Variants in ODF2 observed in about 807,000 individuals in gnomAD.
ODF2 encodes outer dense fiber of sperm tails 2.
ODF2 carries 47 observed loss-of-function variants against 110.2 expected under a neutral mutation model. The ratio of observed to expected loss-of-function variants is 0.43; its 90% confidence interval spans 0.34 to 0.54. ODF2 has a LOEUF of 0.54. ODF2 is among the 20% of genes least tolerant of loss of function. ODF2 has a pLI of 0.03. For missense variants in ODF2, 812 were observed against 1,054.5 expected (o/e 0.77, Z 3.19); for synonymous variants, 352 against 397.7 (o/e 0.89, Z 1.37).
At chr9:128,489,551 C>T (rs1359355043) in intron 14 of ODF2, among the ~76,000 whole-genome samples, 1 of 152,170 alleles carries the variant, frequency 6.6e-6, no homozygotes, top group Non-Finnish European at 1.5e-5. Flanking sequence ...GTTGAGTCAG[C>T]CCCATTGTTT....
chr9:128,462,815 G>C (rs1385351275), intron 4 of ODF2, among the ~76,000 whole-genome samples: 1 of 151,684 alleles, frequency 6.6e-6, no homozygotes, highest in African/African-American at 2.4e-5. Context: ...GGATGGTCTC[G>C]ATCTCCTGAC....
At chr9:128,458,514 G>C (rs1282719197) in intron 2 of ODF2, among the ~76,000 whole-genome samples, 2 of 148,818 alleles carry the variant, frequency 1.3e-5, no homozygotes, top group South Asian at 2.1e-4. Context: ...TTATTCCAAG[G>C]CCCTTCCCAT....
At chr9:128,457,464 G>T (rs368608354) in intron 2 of ODF2, 1 of 1,591,522 alleles carries the variant, frequency 6.3e-7, no homozygotes, top group Non-Finnish European at 8.5e-7. Context: ...AGGCGCCTGC[G>T]CCGGAGGGCA....
chr9:128,472,795 C>A (rs1840352853), intron 6 of ODF2, 118 bp from the exon 7 acceptor site: 12 of 1,489,132 alleles, frequency 8.1e-6, no homozygotes, highest in South Asian at 3.7e-5. Context: ...TGTCCCTGCC[C>A]CCTCCCCTAC....
At chr9:128,482,868 A>G (rs765328931) in exon 10 of ODF2, 3 of 1,605,026 alleles carry the variant, frequency 1.9e-6, no homozygotes, top group East Asian at 2.2e-5. Flanking sequence ...GAGCTCCTTC[A>G]GGAAATACAA....
rs898013375 is a variant in ODF2, at chr9:128,470,853, T to C, written c.421-455T>C. On this transcript the variant is annotated intron_variant, in intron 5 of 20. Coordinates refer to ENST00000604420, the Ensembl canonical transcript of ODF2. Reference sequence around the variant, plus strand: ...TGGCAGTTAACTGAGATTGCACCCATAAGGCCCTGGCATGCAGCCTGTGTA... The same window carrying C: ...TGGCAGTTAACTGAGATTGCACCCACAAGGCCCTGGCATGCAGCCTGTGTA... Among the ~76,000 whole-genome samples, 5 of 151,946 alleles carry C rather than the reference T, an allele frequency of 3.3e-5. No homozygotes were observed. The South Asian group carries it at 6.2e-4, about 19-fold the overall frequency.
At chr9:128,500,422 A>G (rs774637220) in exon 21 of ODF2, 22 of 623,560 alleles carry the variant, frequency 3.5e-5, no homozygotes, top group Non-Finnish European at 5.8e-5. Context: ...CAGAAGGTGA[A>G]GCAGGAAGCA....
Position 128,488,030 on chromosome 9 carries a change from G to A in ODF2, c.1536+5G>A. On this transcript the variant is annotated splice_donor_5th_base_variant and intron_variant, in intron 14 of 20. Coordinates refer to ENST00000604420, the Ensembl canonical transcript of ODF2. ...CTGGAGAATGAGAGGCTGAAGGTTC[G>A]CAGTGAGAGCTGGGGACCAGGCAGC... is the stretch of plus-strand genomic sequence containing the variant. 6.2e-7 allele frequency: 1 copy of A among 1,613,566 alleles called. No homozygotes were observed. The highest frequency in any genetic ancestry group is 8.5e-7 in the Non-Finnish European group (1 of 1,179,786).
chr9:128,487,171 T>A (rs1053223031), intron 13 of ODF2, among the ~76,000 whole-genome samples: 1 of 152,198 alleles, frequency 6.6e-6, no homozygotes, highest in Non-Finnish European at 1.5e-5. Context: ...AACCTTCAAC[T>A]GCTGGGCTCA....
At chr9:128,499,065 T>A (rs771818886) in exon 20 of ODF2, 4 of 1,614,044 alleles carry the variant, frequency 2.5e-6, no homozygotes, top group Non-Finnish European at 3.4e-6. Context: ...ATCCTGGACC[T>A]TGAGACCCAG....
intron 4 of ODF2, among the ~76,000 whole-genome samples, chr9:128,467,341 G>C (rs958977916): frequency 1.8e-4 from 28 of 151,918 alleles, no homozygotes; most frequent in African/African-American, 6.8e-4. Context: ...TGGGACCACT[G>C]TCATATATGC....
Position 128,493,801 on chromosome 9 carries a change from T to C in ODF2, c.1753-709T>C, listed in dbSNP as rs1845096184. Among the ~76,000 whole-genome samples the C allele has an allele frequency of 1.3e-5, 2 of 152,118 alleles. 1 individual carries two copies. Among genetic ancestry groups the C allele is most frequent in the South Asian group, 4.1e-4 (2 of 4,820 alleles). On this transcript the variant is annotated intron_variant, in intron 16 of 20. Coordinates refer to ENST00000604420, the Ensembl canonical transcript of ODF2. The stretch of plus-strand genomic sequence containing the variant: ...TTAGAGTTAGACTTTTAAAATTTAT[T>C]TTATTTTTTTTGAGACAGAGTCTTG...
chr9:128,483,683 G>A (rs563797538), intron 10 of ODF2, among the ~76,000 whole-genome samples: 17 of 151,762 alleles, frequency 1.1e-4, no homozygotes, highest in African/African-American at 4.1e-4. Context: ...TCAGGAGATC[G>A]AGACCAGTCT....
chr9:128,483,175 G>T (rs990165610), intron 10 of ODF2, among the ~76,000 whole-genome samples: 4 of 152,238 alleles, frequency 2.6e-5, no homozygotes, highest in African/African-American at 9.6e-5. Context: ...TTACAGGCAT[G>T]AGCCACTGCG....
intron 13 of ODF2, among the ~76,000 whole-genome samples, chr9:128,487,496 C>T (rs956877432): frequency 6.6e-6 from 1 of 152,032 alleles, no homozygotes; most frequent in African/African-American, 2.4e-5. Context: ...TCTTTAGAAC[C>T]TGTGTAATTG....
At chr9:128,456,254 T>G (rs1298522263) in exon 1 of ODF2, 2 of 1,535,804 alleles carry the variant, frequency 1.3e-6, no homozygotes, top group Non-Finnish European at 1.8e-6. Context: ...GTGTCGCTCC[T>G]GGTGAGAGGC....
In ODF2 at chr9:128,465,303, G is replaced by A. The variant is rs544627998; in HGVS notation, c.250-3880G>A. Among the ~76,000 whole-genome samples, 4 of 152,334 alleles carry A rather than the reference G, an allele frequency of 2.6e-5. No homozygotes were observed. The East Asian group carries it at 5.8e-4, about 22-fold the overall frequency. Reference sequence around the variant, plus strand: ...CATGGACGGAAGGGGAACAGCCCCTGGAGGTGGAAGTTTGAGGAAGATATG... The same window carrying A: ...CATGGACGGAAGGGGAACAGCCCCTAGAGGTGGAAGTTTGAGGAAGATATG... On this transcript the variant is annotated intron_variant, in intron 4 of 20. Coordinates refer to ENST00000604420, the Ensembl canonical transcript of ODF2.
chr9:128,471,815 G>T (rs1283728060), intron 6 of ODF2, among the ~76,000 whole-genome samples: 1 of 152,048 alleles, frequency 6.6e-6, no homozygotes, highest in African/African-American at 2.4e-5. Flanking sequence ...CATCTTATGC[G>T]AAGGCCCCAA....
intron 6 of ODF2, among the ~76,000 whole-genome samples, chr9:128,472,133 AGCC>A (rs1840162684): frequency 6.6e-6 from 1 of 152,008 alleles, no homozygotes; most frequent in Non-Finnish European, 1.5e-5. Flanking sequence ...ACAAAAATTA[AGCC>A]GGGCGTCGCG....
Sources: allele counts gnomAD v4.1 joint callset (sites outside exome capture counted in the v4.1 genomes callset), GRCh38; gene constraint gnomAD v4.1.1; transcripts MANE v1.5; gene names NCBI Gene and HGNC (gene_info 2026-07-23, HGNC 2026-07-21).